ZNF737: variants seen among roughly 807,000 people sequenced by gnomAD.
ZNF737 encodes the protein zinc finger protein 102 (Y3).
Under a neutral mutation model 11.7 loss-of-function variants are expected in ZNF737, and 13 were observed. The observed-to-expected ratio is 1.11, with a 90% CI of 0.73 to 1.77. The LOEUF (loss-of-function observed/expected upper bound fraction) is 1.77. Among genes scored for constraint, ZNF737 ranks in the 40% most tolerant of loss-of-function variants. ZNF737 has a pLI of 0.00. For missense variants in ZNF737, 636 were observed against 638.0 expected (o/e 1.00, Z 0.03); for synonymous variants, 217 against 216.2 (o/e 1.00, Z -0.03).
chr19:20,544,314 T>A lies in ZNF737; in HGVS notation c.*278A>T. 7.8e-7 allele frequency: 1 copy of A among 1,275,332 alleles called. No individual in the cohort carries two copies. Among genetic ancestry groups the A allele is most frequent in the Non-Finnish European group, 9.9e-7 (1 of 1,010,924 alleles). 79.0% of individuals were successfully genotyped at this position (1,275,332 alleles called of 1,614,324 possible). On this transcript the variant is annotated 3_prime_UTR_variant, in exon 4 of 4. Transcript: ENST00000427401. ...ATATTTAGTAAAAGTTGATAGCTGGTTAAAGGCTTTCCGACATTCATCAAA... is the reference window on the plus strand; with the variant it reads ...ATATTTAGTAAAAGTTGATAGCTGGATAAAGGCTTTCCGACATTCATCAAA...
intron 1 of ZNF737, among the ~76,000 whole-genome samples, chr19:20,557,504 AAACTT>A (rs1459100862): frequency 2.0e-5 from 3 of 150,742 alleles, no homozygotes; most frequent in African/African-American, 4.9e-5. Flanking sequence ...AAAAAAAAGA[AAACTT>A]AAATCCCAGA....
chr19:20,558,983 TGTAGAA>T (rs1568435929), intron 1 of ZNF737, among the ~76,000 whole-genome samples: 1 of 152,252 alleles, frequency 6.6e-6, no homozygotes, highest in Non-Finnish European at 1.5e-5. Flanking sequence ...CCTAGCACTA[TGTAGAA>T]GACTGAAACT....
chr19:20,531,823 T>G (rs1181433694), downstream of ZNF737, among the ~76,000 whole-genome samples: 1 of 150,160 alleles, frequency 6.7e-6, no homozygotes, highest in Non-Finnish European at 1.5e-5. Flanking sequence ...CACATCTAGA[T>G]ATAAATATAC....
chr19:20,545,587 A>G lies in ZNF737; in HGVS notation c.616T>C (p.Cys206Arg), dbSNP rs782136435. Reference protein sequence around the residue: ...TGEKPFKCEECGKAFNWSSHL... With the variant: ...TGEKPFKCEERGKAFNWSSHL... ...GAGGACCAGTTGAAGGCTTTGCCAC[A>G]TTCTTCACATTTGAAGGGTTTCTCC... The change falls in exon 4 of 4, where the codon TGT becomes CGT. Residue 206 changes from cysteine to arginine, a missense_variant. By Grantham distance (180) the Cys-to-Arg change is radical. Transcript: ENST00000427401. 2 of 1,613,980 alleles carry G rather than the reference A, an allele frequency of 1.2e-6. No individual in the cohort carries two copies. Among genetic ancestry groups the G allele is most frequent in the Non-Finnish European group, 1.7e-6 (2 of 1,179,926 alleles).
chr19:20,543,506 G>A lies in ZNF737; in HGVS notation c.*1086C>T. 2 of 985,104 alleles carry A rather than the reference G, an allele frequency of 2.0e-6. No individual in the cohort carries two copies. Among genetic ancestry groups the A allele is most frequent in the Non-Finnish European group, 2.4e-6 (2 of 829,698 alleles). 61.0% of individuals were successfully genotyped at this position (985,104 alleles called of 1,614,324 possible). On this transcript the variant is annotated 3_prime_UTR_variant, in exon 4 of 4. Transcript: ENST00000427401. The stretch of plus-strand genomic sequence containing the variant: ...TTTATGTTGAGTTAGATGTGAGTAG[G>A]AATTAATAGGTTTTCCATATTCCTT...
Position 20,538,833 on chromosome 19 carries a change from A to C in ZNF737, c.*5759T>G, listed in dbSNP as rs1380681597. ...AACTTTAGTCATACTATTTTTTAGC[A>C]ACTAATGGCATCTGTTACCCATTAA... On this transcript the variant is annotated 3_prime_UTR_variant, in exon 4 of 4. Coordinates refer to ENST00000427401, the MANE Select transcript of ZNF737 (RefSeq NM_001159293.2). The C allele has an allele frequency of 1.2e-5, 12 of 985,232 alleles. No individual in the cohort carries two copies. The highest frequency in any genetic ancestry group is 1.3e-5 in the Non-Finnish European group (11 of 829,850). The allele number at this position is 985,232 out of a possible 1,614,324, so 61.0% of individuals were successfully genotyped here. A position where few individuals can be genotyped will look rare whatever the true frequency, so the allele number is the denominator to read the frequency against.
At chr19:20,556,857 G>A (rs1968907998) in intron 1 of ZNF737, among the ~76,000 whole-genome samples, 1 of 152,206 alleles carries the variant, frequency 6.6e-6, no homozygotes, top group Non-Finnish European at 1.5e-5. Flanking sequence ...ATGATACAGA[G>A]CACTGTGCTG....
At chr19:20,550,992 G>C (rs1218669877) in intron 3 of ZNF737, 1 of 152,214 alleles carries the variant, frequency 6.6e-6, no homozygotes, top group Admixed American at 6.5e-5. Flanking sequence ...CCATTCCAGA[G>C]ACCTGGATGA....
chr19:20,557,324 G>GTTAT (rs782139378), intron 1 of ZNF737, among the ~76,000 whole-genome samples: 48 of 152,194 alleles, frequency 3.2e-4, no homozygotes, highest in Middle Eastern at 6.8e-3. Context: ...CTTCTAATCA[G>GTTAT]TTATCTGAAG....
At position 20,543,953 on chromosome 19, in the gene ZNF737, T is replaced by C. The variant is rs1555755728; in HGVS notation, c.*639A>G. ...GACCAGCCTGGCAAACATGGCGAAG[T>C]CGCATCTCTACTAAAAATAAAAAAA... On this transcript the variant is annotated 3_prime_UTR_variant, in exon 4 of 4. Coordinates refer to ENST00000427401, the MANE Select transcript of ZNF737 (RefSeq NM_001159293.2). The C allele has an allele frequency of 1.5e-6, 1 of 683,188 alleles. No homozygotes were observed. Among genetic ancestry groups the C allele is most frequent in the African/African-American group, 2.0e-5 (1 of 50,802 alleles). 42.3% of individuals were successfully genotyped at this position (683,188 alleles called of 1,614,324 possible).
At chr19:20,551,733 G>C (rs1217645865) in intron 3 of ZNF737, among the ~76,000 whole-genome samples, 1 of 151,512 alleles carries the variant, frequency 6.6e-6, no homozygotes, top group African/African-American at 2.4e-5. Context: ...AAGAAGGTAA[G>C]AAAATGTTTA....
At chr19:20,532,223 A>G (rs1474473228), downstream of ZNF737, among the ~76,000 whole-genome samples, 2 of 150,046 alleles carry the variant, frequency 1.3e-5, no homozygotes, top group African/African-American at 4.9e-5. Flanking sequence ...TGATAATTGT[A>G]TACACCTGGG....
At position 20,544,875 on chromosome 19, in the gene ZNF737, T is replaced by C. The variant is rs781860904; in HGVS notation, c.1328A>G (p.His443Arg). The C allele has an allele frequency of 1.9e-6, 3 of 1,613,840 alleles. No individual in the cohort carries two copies. Among genetic ancestry groups the C allele is most frequent in the South Asian group, 1.1e-5 (1 of 91,026 alleles). Residue 443 changes from histidine to arginine, a missense_variant, in exon 4 of 4, where the codon CAT becomes CGT. Physicochemically the swap from His to Arg is conservative, Grantham distance 29. Coordinates refer to ENST00000427401, the MANE Select transcript of ZNF737 (RefSeq NM_001159293.2). ...TTTCTCTCCAGTATGAATTCTCTTA[T>C]GTGTAGTAAGGATAGAGAAGCACTT... ...AFKCFSILTT[H>R]KRIHTGEKPY...
chr19:20,546,331 G>A (rs980223746), intron 3 of ZNF737, among the ~76,000 whole-genome samples: 5 of 152,132 alleles, frequency 3.3e-5, no homozygotes, highest in African/African-American at 1.2e-4. Context: ...AGTCGCTCAT[G>A]CCTGTAATCT....
rs1555756080 is a variant in ZNF737, at chr19:20,544,777, T to C, written c.1426A>G (p.Thr476Ala). 6.2e-7 allele frequency: 1 copy of C among 1,609,296 alleles called. No homozygotes were observed. Among genetic ancestry groups the C allele is most frequent in the African/African-American group, 1.3e-5 (1 of 74,610 alleles). Residue 476 changes from threonine (T) to alanine (A), a missense_variant, in exon 4 of 4, where the codon ACT (threonine) becomes GCT (alanine). Coordinates refer to ENST00000427401, the MANE Select transcript of ZNF737 (RefSeq NM_001159293.2). The part of the protein sequence containing the change: ...SHLTAHKRIH[T>A]GEKPYKCERC... ...TCACATTTGTAGGGTTTCTCTCCAGTATGAATTCTCTTATGTGCAGTAAGG... is the reference window on the plus strand; with the variant it reads ...TCACATTTGTAGGGTTTCTCTCCAGCATGAATTCTCTTATGTGCAGTAAGG...
chr19:20,546,517 A>G (rs559866399), intron 3 of ZNF737, among the ~76,000 whole-genome samples: 1 of 152,194 alleles, frequency 6.6e-6, no homozygotes, highest in Non-Finnish European at 1.5e-5. Context: ...GCCACACACA[A>G]AACTCTCCAG....
At position 20,539,590 on chromosome 19, in the gene ZNF737, A is replaced by G; in HGVS notation, c.*5002T>C. 1 of 975,650 alleles carries G rather than the reference A, an allele frequency of 1.0e-6. No individual in the cohort carries two copies. The allele number at this position is 975,650 out of a possible 1,614,324, so 60.4% of individuals were successfully genotyped here. ...AAAGAAACTATCTACATAACTAATC[A>G]TGGATTCAAAAAATATTCATATTAA... On this transcript the variant is annotated 3_prime_UTR_variant, in exon 4 of 4. Coordinates refer to ENST00000427401, the MANE Select transcript of ZNF737 (RefSeq NM_001159293.2).
intron 1 of ZNF737, among the ~76,000 whole-genome samples, chr19:20,563,658 G>A (rs1198983301): frequency 1.3e-5 from 2 of 151,540 alleles, no homozygotes; most frequent in African/African-American, 4.8e-5. Context: ...GCTAATTTTT[G>A]TATTTTTAGT....
At chr19:20,553,501 AC>A (rs1431486627) in intron 2 of ZNF737, among the ~76,000 whole-genome samples, 6 of 151,758 alleles carry the variant, frequency 4.0e-5, no homozygotes, top group Admixed American at 3.3e-4. Context: ...CTCAGGTAAT[AC>A]CCCCACCTCA....
Sources: allele counts gnomAD v4.1 joint callset (sites outside exome capture counted in the v4.1 genomes callset), GRCh38; gene constraint gnomAD v4.1.1; transcripts MANE v1.5; gene names NCBI Gene and HGNC (gene_info 2026-07-23, HGNC 2026-07-21).